FAM53A: variants seen among roughly 807,000 people sequenced by gnomAD.
FAM53A encodes family with sequence similarity 53 member A.
Under a neutral mutation model 26.6 loss-of-function variants are expected in FAM53A, and 28 were observed. That is an observed-to-expected ratio of 1.05 (90% CI 0.78 to 1.45). The LOEUF is 1.45. Among genes scored for constraint, FAM53A ranks in the 40% most tolerant of loss-of-function variants. FAM53A has a pLI of 0.00. For synonymous variants in FAM53A, 290 were observed against 253.1 expected, an observed-to-expected ratio of 1.15 and a Z score of -1.38; for missense variants, 650 against 575.8, an observed-to-expected ratio of 1.13 and a Z score of -1.32.
chr4:1,603,915 C>T, the FAM53A span, among the ~76,000 whole-genome samples: 27 of 152,294 alleles, frequency 1.8e-4, no homozygotes, highest in Admixed American at 6.5e-4. Flanking sequence ...TGTCAGTTCT[C>T]GGGGCGACAG....
intron 4 of FAM53A, 36 bp from the exon 5 acceptor site, chr4:1,641,643 A>G: frequency 6.2e-7 from 1 of 1,608,590 alleles, no homozygotes; most frequent in Non-Finnish European, 8.5e-7. Context: ...AAGCATTTCT[A>G]GCAGATCACA....
At chr4:1,621,008 A>G (rs1715004160) in intron 1 of FAM53A, among the ~76,000 whole-genome samples, 3 of 151,868 alleles carry the variant, frequency 2.0e-5, no homozygotes, top group African/African-American at 7.2e-5. Flanking sequence ...AATGGCTGCC[A>G]GAGCCCCAGC....
chr4:1,659,928 C>T lies in FAM53A; in HGVS notation c.76-2460G>A, dbSNP rs1198006453. Among the ~76,000 whole-genome samples, 1 of 152,186 alleles carries T rather than the reference C, an allele frequency of 6.6e-6. No individual in the cohort carries two copies. Among genetic ancestry groups the T allele is most frequent in the Non-Finnish European group, 1.5e-5 (1 of 68,046 alleles). On this transcript the variant is annotated intron_variant, in intron 2 of 4. Transcript: ENST00000308132. This position sits in a 1 kb window ranked among gnomAD's most constrained non-coding sequence, Gnocchi z 5.2. Reference sequence around the variant, plus strand: ...AGGCCCCACCTCCAAATATTCATCCCGTCACCTTGAGGGTGAGGACTTCAA... The same window carrying T: ...AGGCCCCACCTCCAAATATTCATCCTGTCACCTTGAGGGTGAGGACTTCAA...
the FAM53A span, among the ~76,000 whole-genome samples, chr4:1,609,458 C>T: frequency 1.3e-5 from 2 of 152,180 alleles, no homozygotes; most frequent in Admixed American, 6.5e-5. Flanking sequence ...GGGAGGGACT[C>T]GGTGGAGGTA....
At chr4:1,604,177 G>A in the FAM53A span, among the ~76,000 whole-genome samples, 2 of 152,238 alleles carry the variant, frequency 1.3e-5, no homozygotes, top group South Asian at 2.1e-4. Flanking sequence ...GGGCTGCCTG[G>A]TGCAGACCCA....
intron 1 of FAM53A, among the ~76,000 whole-genome samples, chr4:1,674,310 A>G (rs1273468428): frequency 6.6e-6 from 1 of 152,144 alleles, no homozygotes; most frequent in African/African-American, 2.4e-5. Context: ...CTCTTCTTAT[A>G]AGGACACCAA....
chr4:1,604,541 C>T, the FAM53A span, among the ~76,000 whole-genome samples: 12 of 152,190 alleles, frequency 7.9e-5, no homozygotes, highest in Middle Eastern at 3.4e-3. Flanking sequence ...AGCCGCACGG[C>T]GCCCTGGCCT....
At chr4:1,657,010 C>T (rs893725309) in intron 3 of FAM53A, among the ~76,000 whole-genome samples, 2 of 152,206 alleles carry the variant, frequency 1.3e-5, no homozygotes, top group African/African-American at 4.8e-5. Context: ...CTCCACTGCA[C>T]GGACAGTGGG....
At chr4:1,664,125 T>C (rs187559698) in intron 2 of FAM53A, among the ~76,000 whole-genome samples, 28 of 152,268 alleles carry the variant, frequency 1.8e-4, no homozygotes, top group Non-Finnish European at 3.4e-4. Context: ...ACTCAGACAA[T>C]TGGAGAAGTT....
chr4:1,583,618 C>T, the FAM53A span, among the ~76,000 whole-genome samples: 14 of 152,246 alleles, frequency 9.2e-5, no homozygotes, highest in Admixed American at 9.2e-4. Context: ...CAGCTCCCAG[C>T]AGCTCAGGTG....
At chr4:1,595,888 A>G in the FAM53A span, among the ~76,000 whole-genome samples, 558 of 152,066 alleles carry the variant, frequency 3.7e-3, no homozygotes, top group Non-Finnish European at 5.4e-3. Flanking sequence ...GGCCAGTCTG[A>G]TCCTCTCTGT....
At chr4:1,598,300 A>C in the FAM53A span, among the ~76,000 whole-genome samples, 6 of 152,298 alleles carry the variant, frequency 3.9e-5, no homozygotes, top group African/African-American at 1.2e-4. Context: ...AGCTGCATGG[A>C]GTGTGCGGGA....
the FAM53A span, among the ~76,000 whole-genome samples, chr4:1,609,175 T>C: frequency 2.0e-5 from 3 of 152,058 alleles, no homozygotes; most frequent in African/African-American, 7.2e-5. Context: ...CCTCAGGATG[T>C]GGCTCTGGCA....
upstream of FAM53A, among the ~76,000 whole-genome samples, chr4:1,684,678 C>T (rs1577169753): frequency 6.6e-6 from 1 of 151,994 alleles, no homozygotes; most frequent in Non-Finnish European, 1.5e-5. Context: ...CTAGCCGTGG[C>T]TCAGGCGGTG....
intron 1 of FAM53A, among the ~76,000 whole-genome samples, chr4:1,673,170 C>T (rs537705560): frequency 1.4e-4 from 22 of 152,286 alleles, no homozygotes; most frequent in African/African-American, 4.8e-4. Context: ...AGCATGGAGT[C>T]AAGAAAGAGC....
intron 4 of FAM53A, among the ~76,000 whole-genome samples, chr4:1,649,458 A>G (rs1712555543): frequency 6.6e-6 from 1 of 152,212 alleles, no homozygotes; most frequent in African/African-American, 2.4e-5. Context: ...CTCCCTTCAA[A>G]AAGTGGAGCC....
intron 1 of FAM53A, among the ~76,000 whole-genome samples, chr4:1,674,662 CTG>C (rs1714911349): frequency 1.5e-5 from 1 of 67,670 alleles, no homozygotes; most frequent in Non-Finnish European, 3.1e-5. Context: ...GAGTGAGACT[CTG>C]TCTCAAAAAA....
chr4:1,607,562 G>A, the FAM53A span, among the ~76,000 whole-genome samples: 1 of 151,352 alleles, frequency 6.6e-6, no homozygotes, highest in South Asian at 2.1e-4. Flanking sequence ...TCATCCATTC[G>A]GGCCTAAGTG....
chr4:1,684,697 C>T (rs1055346148), upstream of FAM53A, among the ~76,000 whole-genome samples: 1 of 152,036 alleles, frequency 6.6e-6, no homozygotes, highest in East Asian at 1.9e-4. Context: ...TGACCCAGCC[C>T]GGGGCGCGCG....
Sources: gnomAD v4.1 joint callset for allele counts (sites outside exome capture counted in the v4.1 genomes callset) on GRCh38, gnomAD v4.1.1 for gene constraint, Gnocchi (gnomAD v3.1) non-coding constraint, MANE v1.5 for transcripts, NCBI Gene and HGNC (gene_info 2026-07-23, HGNC 2026-07-21) for gene names.